The following CLIC5 variants were observed in gnomAD, a reference collection of about 807,000 sequenced individuals.
The protein encoded by CLIC5 is chloride intracellular channel protein 5.
In CLIC5, 20 loss-of-function variants were observed where a neutral mutation model predicts 24.7. That is an observed-to-expected ratio of 0.81 (90% CI 0.57 to 1.18). CLIC5 has a LOEUF of 1.18. CLIC5 is among the 50% of genes most tolerant of loss of function. The pLI is 0.00. For synonymous variants in CLIC5, 159 were observed against 135.6 expected, an observed-to-expected ratio of 1.17 and a Z score of -1.20; for missense variants, 341 against 326.1, an observed-to-expected ratio of 1.05 and a Z score of -0.35.
chr6:45,961,396 C>G (rs1764837537), intron 1 of CLIC5, among the ~76,000 whole-genome samples: 1 of 152,170 alleles, frequency 6.6e-6, no homozygotes, highest in African/African-American at 2.4e-5. Context: ...ATGAATTGCC[C>G]ATGGTAGCAC....
At chr6:45,981,291 T>G (rs1376502687) in intron 1 of CLIC5, among the ~76,000 whole-genome samples, 1 of 151,954 alleles carries the variant, frequency 6.6e-6, no homozygotes, top group Non-Finnish European at 1.5e-5. Context: ...TTATTGCTAT[T>G]TCATTTTACA....
At chr6:46,091,832 T>C in the CLIC5 span, among the ~76,000 whole-genome samples, 5 of 152,328 alleles carry the variant, frequency 3.3e-5, no homozygotes, top group South Asian at 1.0e-3. Context: ...AGTGCAGATA[T>C]ATTTTTGACA....
At chr6:45,935,712 A>G (rs1763906554) in intron 4 of CLIC5, among the ~76,000 whole-genome samples, 1 of 152,166 alleles carries the variant, frequency 6.6e-6, no homozygotes, top group Non-Finnish European at 1.5e-5. Context: ...GTTCCCTATC[A>G]TCACCCACTG....
In CLIC5 at chr6:45,998,212, A is replaced by T. The variant is rs185658268; in HGVS notation, c.63+17268T>A. On this transcript the variant is annotated intron_variant, in intron 1 of 5. Transcript: ENST00000339561. ...TATTTTTCACACGGTGACATCCTGG[A>T]AAGACCTGCTGTGAGTTCCCACTAG... Among the ~76,000 whole-genome samples, 4 of 152,336 alleles carry T rather than the reference A, an allele frequency of 2.6e-5. No homozygotes were observed. The South Asian group carries it at 8.3e-4, about 32-fold the overall frequency.
chr6:45,892,811 G>C (rs1762364621), intron 6 of CLIC5, among the ~76,000 whole-genome samples: 1 of 152,118 alleles, frequency 6.6e-6, no homozygotes, highest in South Asian at 2.1e-4. Flanking sequence ...CCATTTTAGA[G>C]CTACTCAGAG....
chr6:46,052,292 G>A (rs1302086983), intron 1 of CLIC5, among the ~76,000 whole-genome samples: 1 of 152,164 alleles, frequency 6.6e-6, no homozygotes, highest in African/African-American at 2.4e-5. Flanking sequence ...CAGCTCCCAA[G>A]CTGTATTTAG....
chr6:45,999,807 G>T lies in CLIC5; in HGVS notation c.63+15673C>A, dbSNP rs1481813200. Among the ~76,000 whole-genome samples the T allele has an allele frequency of 3.0e-4, 8 of 27,100 alleles. 3 individuals are homozygous for T. Among genetic ancestry groups the T allele is most frequent in the Non-Finnish European group, 5.4e-4 (8 of 14,852 alleles). The allele number at this position is 27,100 out of a possible 152,430, so 17.8% of individuals were successfully genotyped here. A position where few individuals can be genotyped will look rare whatever the true frequency, so the allele number is the denominator to read the frequency against. On this transcript the variant is annotated intron_variant, in intron 1 of 5. Transcript: ENST00000339561. ...AGGCAGGACTGCGGACTGCAGTGGC[G>T]CAATCTCGGCTCACTGCAAGCTCCG...
chr6:45,940,740 TAAA>T (rs988226887), intron 4 of CLIC5, among the ~76,000 whole-genome samples: 1 of 152,178 alleles, frequency 6.6e-6, no homozygotes, highest in African/African-American at 2.4e-5. Context: ...GCCCATAGGA[TAAA>T]AATCCAAGCC....
At chr6:45,895,561 T>C (rs1762386600), downstream of CLIC5, among the ~76,000 whole-genome samples, 1 of 152,158 alleles carries the variant, frequency 6.6e-6, no homozygotes, top group Non-Finnish European at 1.5e-5. Flanking sequence ...TAGAAGGAAA[T>C]GAAGAGTGAG....
chr6:46,032,725 C>T (rs1375116712), intron 1 of CLIC5, among the ~76,000 whole-genome samples: 3 of 152,194 alleles, frequency 2.0e-5, no homozygotes, highest in Non-Finnish European at 2.9e-5. Context: ...AAATCCTCTT[C>T]GTGCCCTTAT....
chr6:45,909,795 T>C (rs909110334), intron 5 of CLIC5, among the ~76,000 whole-genome samples: 1 of 152,232 alleles, frequency 6.6e-6, no homozygotes, highest in East Asian at 1.9e-4. Flanking sequence ...AGGTGTTCTC[T>C]GGATTTCTTG....
upstream of CLIC5, among the ~76,000 whole-genome samples, chr6:46,018,176 T>C (rs556024526): frequency 2.0e-5 from 3 of 152,334 alleles, no homozygotes; most frequent in African/African-American, 7.2e-5. Context: ...TTAATGGCAA[T>C]GTGGCAGTAG....
At chr6:46,121,727 TG>T in the CLIC5 span, among the ~76,000 whole-genome samples, 1 of 151,966 alleles carries the variant, frequency 6.6e-6, no homozygotes, top group African/African-American at 2.4e-5. Context: ...AAATAAAGGA[TG>T]GAGGAAGATC....
chr6:46,017,653 C>T (rs1055662386), upstream of CLIC5, among the ~76,000 whole-genome samples: 2 of 152,172 alleles, frequency 1.3e-5, no homozygotes, highest in African/African-American at 4.8e-5. Flanking sequence ...ATAATAGTTA[C>T]ATGAAATGAA....
chr6:45,966,252 C>A (rs1765012009), intron 1 of CLIC5, among the ~76,000 whole-genome samples: 1 of 152,134 alleles, frequency 6.6e-6, no homozygotes, highest in Non-Finnish European at 1.5e-5. Context: ...AAAGTTTTTG[C>A]AAAATTACTA....
At chr6:45,991,191 G>C (rs1483898492) in intron 1 of CLIC5, among the ~76,000 whole-genome samples, 1 of 152,178 alleles carries the variant, frequency 6.6e-6, no homozygotes, top group Non-Finnish European at 1.5e-5. Context: ...TGTTATCAAG[G>C]CCTAAATCAG....
Position 45,902,957 on chromosome 6 carries a change from G to C in CLIC5, c.*131C>G. 1.0e-6 allele frequency: 1 copy of C among 987,512 alleles called. No homozygotes were observed. Among genetic ancestry groups the C allele is most frequent in the Admixed American group, 2.1e-5 (1 of 46,830 alleles). 61.2% of individuals were successfully genotyped at this position (987,512 alleles called of 1,614,324 possible). A position where few individuals can be genotyped will look rare whatever the true frequency, so the allele number is the denominator to read the frequency against. On this transcript the variant is annotated 3_prime_UTR_variant, in exon 6 of 6. Coordinates refer to ENST00000339561, the MANE Select transcript of CLIC5 (RefSeq NM_016929.5). Reference sequence around the variant, plus strand: ...AAAGATAGCAGGCTGGAGTTCCCATGATACCAGCAAGATGAGGCTTGATTA... The same window carrying C: ...AAAGATAGCAGGCTGGAGTTCCCATCATACCAGCAAGATGAGGCTTGATTA...
chr6:46,016,079 G>GA (rs1187765528), upstream of CLIC5, among the ~76,000 whole-genome samples: 3 of 151,078 alleles, frequency 2.0e-5, no homozygotes, highest in Non-Finnish European at 4.4e-5. Flanking sequence ...GGCGAAGGCA[G>GA]AAAGAGTCGA....
intron 1 of CLIC5, among the ~76,000 whole-genome samples, chr6:45,964,533 G>T (rs1050244835): frequency 1.3e-5 from 2 of 152,068 alleles, no homozygotes; most frequent in Admixed American, 1.3e-4. Flanking sequence ...GTCTCTTTTG[G>T]GATGCTTGCC....
Sources: gnomAD v4.1 joint callset for allele counts (sites outside exome capture counted in the v4.1 genomes callset) on GRCh38, gnomAD v4.1.1 for gene constraint, MANE v1.5 for transcripts, NCBI Gene and HGNC (gene_info 2026-07-23, HGNC 2026-07-21) for gene names.